NTN4: variants seen among roughly 807,000 people sequenced by gnomAD.
NTN4 encodes netrin-4.
NTN4 carries 32 observed loss-of-function variants against 73.6 expected under a neutral mutation model. That is an observed-to-expected ratio of 0.44 (90% confidence interval 0.33 to 0.58). The LOEUF is 0.58. Among genes scored for constraint, NTN4 ranks in the 20% least tolerant of loss-of-function variants. The pLI is 0.04. For missense variants in NTN4, 654 were observed against 798.3 expected (o/e 0.82, Z 2.18); for synonymous variants, 258 against 287.5 (o/e 0.90, Z 1.04).
chr12:95,678,559 A>C (rs2078292247), intron 7 of NTN4, among the ~76,000 whole-genome samples: 1 of 152,136 alleles, frequency 6.6e-6, no homozygotes, highest in Non-Finnish European at 1.5e-5. Flanking sequence ...AATCGATATC[A>C]AGTTTTATAG....
chr12:95,710,372 G>T, intron 5 of NTN4, 69 bp downstream of exon 5: 1 of 1,296,658 alleles, frequency 7.7e-7, no homozygotes. Context: ...TGGGTTAGCA[G>T]AATGAGGGAT....
chr12:95,769,381 T>G (rs76717373), intron 2 of NTN4, among the ~76,000 whole-genome samples: 2,198 of 151,984 alleles, frequency 0.014, 75 homozygotes, highest in East Asian at 0.1. Context: ...AGAGATAAAA[T>G]AAGTGGTCTA....
rs1363529235 is a variant in NTN4 at position 95,670,126 on chromosome 12, G to GTT, written c.1529_1530dup (p.Gln511AsnfsTer4). 5 of 1,594,530 alleles carry GTT rather than the reference G, an allele frequency of 3.1e-6. No individual in the cohort carries two copies. The highest frequency in any genetic ancestry group is 8.6e-7 in the Non-Finnish European group (1 of 1,167,852). The stretch of plus-strand genomic sequence containing the variant: ...AATGCCTTGGCATTTCCTAATGTCT[G>GTT]TTCCTTACATTCGCATTTACCTATG... On this transcript the variant is annotated frameshift_variant, in exon 8 of 10. Transcript: ENST00000343702. LOFTEE classifies it high-confidence loss of function.
chr12:95,752,150 A>G (rs1422083606), intron 2 of NTN4, among the ~76,000 whole-genome samples: 1 of 151,900 alleles, frequency 6.6e-6, no homozygotes, highest in Non-Finnish European at 1.5e-5. Context: ...CTCAACGCCA[A>G]TATCCCATCC....
rs562798925 is a variant in NTN4 at position 95,708,373 on chromosome 12, C to T, written c.1180+2068G>A. ...CATGATCTCGGCTCACTGCAAGCTC[C>T]GCATCCCGGGTTCACGCCATTCTCC... is the stretch of plus-strand genomic sequence containing the variant. On this transcript the variant is annotated intron_variant, in intron 5 of 9. Transcript: ENST00000343702. 5.4e-3 allele frequency among the ~76,000 whole-genome samples: 814 copies of T among 151,394 alleles called. 11 individuals are homozygous for T. The highest frequency in any genetic ancestry group is 6.5e-3 in the Non-Finnish European group (439 of 67,842).
chr12:95,729,628 AGAGAGT>A (rs1175250931), intron 3 of NTN4, among the ~76,000 whole-genome samples: 1,432 of 102,132 alleles, frequency 0.014, 6 homozygotes, highest in African/African-American at 0.037. Flanking sequence ...AGAGAGAGAG[AGAGAGT>A]GTGTGTGTGT....
Position 95,738,054 on chromosome 12 carries a change from C to A in NTN4, c.676G>T (p.Val226Leu). 1.2e-6 allele frequency: 2 copies of A among 1,614,122 alleles called. No individual in the cohort carries two copies. Among genetic ancestry groups the A allele is most frequent in the African/African-American group, 1.3e-5 (1 of 75,036 alleles). ...CAAGACTGTCGTTTCAGCAGCTGCACGCGAAGGTTGGTGATCTTCAGCTGC... is the reference window on the plus strand; with the variant it reads ...CAAGACTGTCGTTTCAGCAGCTGCAAGCGAAGGTTGGTGATCTTCAGCTGC... ...QEQLKITNLR[V>L]QLLKRQSCPC... is the part of the protein sequence containing the mutation. Residue 226 changes from valine (V) to leucine (L), a missense_variant, in exon 3 of 10, where the codon GTG (valine) becomes TTG (leucine). By Grantham distance (32) the Val-to-Leu change is conservative. Transcript: ENST00000343702.
At chr12:95,686,686 A>T (rs2078363513) in intron 5 of NTN4, among the ~76,000 whole-genome samples, 1 of 151,344 alleles carries the variant, frequency 6.6e-6, no homozygotes, top group Non-Finnish European at 1.5e-5. Flanking sequence ...TGAACCTGGG[A>T]GGCCCAGGTT....
At chr12:95,709,085 C>G (rs1386742476) in intron 5 of NTN4, among the ~76,000 whole-genome samples, 1 of 152,070 alleles carries the variant, frequency 6.6e-6, no homozygotes, top group African/African-American at 2.4e-5. Context: ...AACAAGCAAG[C>G]CTGTTCAAAT....
chr12:95,771,662 G>A (rs1002815876), intron 2 of NTN4, among the ~76,000 whole-genome samples: 4 of 152,076 alleles, frequency 2.6e-5, no homozygotes, highest in African/African-American at 7.2e-5. Flanking sequence ...CTGAAATTTT[G>A]AGAGTCAAAA....
At chr12:95,676,489 A>T (rs555679825) in intron 7 of NTN4, among the ~76,000 whole-genome samples, 1 of 152,300 alleles carries the variant, frequency 6.6e-6, no homozygotes, top group Non-Finnish European at 1.5e-5. Flanking sequence ...TTAAAGCGAA[A>T]TTCTTAATGG....
intron 8 of NTN4, 109 bp from the exon 9 acceptor site, chr12:95,666,089 G>T: frequency 2.4e-6 from 2 of 837,946 alleles, no homozygotes; most frequent in East Asian, 2.8e-5. Flanking sequence ...TTGATGATGA[G>T]GATGTGAAAA....
At chr12:95,759,922 A>G (rs1424171161) in intron 2 of NTN4, among the ~76,000 whole-genome samples, 1 of 152,146 alleles carries the variant, frequency 6.6e-6, no homozygotes, top group African/African-American at 2.4e-5. Flanking sequence ...CTGGCTTGCT[A>G]ATTCTACCAG....
chr12:95,729,290 A>G, intron 3 of NTN4, among the ~76,000 whole-genome samples: 1 of 151,658 alleles, frequency 6.6e-6, no homozygotes, highest in Non-Finnish European at 1.5e-5. Flanking sequence ...GCTAAAATAT[A>G]TTTTGTCTTG....
intron 2 of NTN4, among the ~76,000 whole-genome samples, chr12:95,746,213 G>A (rs564437724): frequency 3.5e-4 from 54 of 152,252 alleles, no homozygotes; most frequent in African/African-American, 6.0e-4. Context: ...ATACTGTGGC[G>A]AGCAATATCT....
intron 5 of NTN4, among the ~76,000 whole-genome samples, chr12:95,693,284 GT>G (rs140914258): frequency 4.2e-4 from 62 of 147,814 alleles, no homozygotes; most frequent in African/African-American, 6.2e-4. Context: ...TTGTAGATAT[GT>G]TTTTTTTTTT....
At chr12:95,780,151 A>G (rs1245545714) in intron 2 of NTN4, among the ~76,000 whole-genome samples, 1 of 152,050 alleles carries the variant, frequency 6.6e-6, no homozygotes, top group Admixed American at 6.5e-5. Context: ...ACATTAATTC[A>G]AGATGGATTA....
chr12:95,702,970 G>T (rs1218459150), intron 5 of NTN4, among the ~76,000 whole-genome samples: 1 of 149,856 alleles, frequency 6.7e-6, no homozygotes, highest in Non-Finnish European at 1.5e-5. Context: ...CGATTCTCCT[G>T]CCTCAGCCTC....
At chr12:95,668,851 C>T (rs916921992) in intron 8 of NTN4, among the ~76,000 whole-genome samples, 3 of 149,910 alleles carry the variant, frequency 2.0e-5, no homozygotes, top group East Asian at 3.9e-4. Flanking sequence ...TTAGGTCAGG[C>T]GTGGTGGCTC....
Sources: gnomAD v4.1 joint callset for allele counts (sites outside exome capture counted in the v4.1 genomes callset) on GRCh38, gnomAD v4.1.1 for gene constraint, MANE v1.5 for transcripts, NCBI Gene and HGNC (gene_info 2026-07-23, HGNC 2026-07-21) for gene names.